Variants in DOCK1 observed in about 807,000 individuals in gnomAD.
DOCK1 encodes the protein dedicator of cytokinesis protein 1.
In DOCK1, 138 loss-of-function variants were observed where a neutral mutation model predicts 262.7. The ratio of observed to expected loss-of-function variants is 0.53; its 90% CI spans 0.46 to 0.61. DOCK1 has a LOEUF of 0.61. Ranked by LOEUF, DOCK1 falls within the 20% of genes least tolerant of loss-of-function variation. DOCK1 has a pLI of 0.00. For synonymous variants in DOCK1, 866 were observed against 867.4 expected, an observed-to-expected ratio of 1.00 and a Z score of 0.03; for missense variants, 1,908 against 2,370.7, an observed-to-expected ratio of 0.80 and a Z score of 4.05.
intron 29 of DOCK1, among the ~76,000 whole-genome samples, chr10:127,286,850 C>T (rs2135329876): frequency 6.6e-6 from 1 of 151,682 alleles, no homozygotes; most frequent in South Asian, 2.1e-4. Context: ...TTTAGGTTGA[C>T]ACCCCTACTT....
intron 35 of DOCK1, among the ~76,000 whole-genome samples, chr10:127,376,164 C>G (rs1180641014): frequency 1.3e-5 from 2 of 152,172 alleles, no homozygotes; most frequent in African/African-American, 2.4e-5. Flanking sequence ...GATGAATATC[C>G]TAAGGGCTCT....
At chr10:127,021,321 A>G (rs530465059) in intron 13 of DOCK1, among the ~76,000 whole-genome samples, 1 of 152,276 alleles carries the variant, frequency 6.6e-6, no homozygotes, top group Non-Finnish European at 1.5e-5. Flanking sequence ...ACGCACTACC[A>G]TGCCTGGCTA....
In DOCK1 at chr10:127,400,562, C is replaced by T. The variant is rs74158677; in HGVS notation, c.3928-2493C>T. ...AGCCCACCGCTTATCTGCTGTGTGT[C>T]CTTGGCAAGCTACTTACCAGTCTGA... On this transcript the variant is annotated intron_variant, in intron 38 of 51. Coordinates refer to ENST00000623213, the MANE Select transcript of DOCK1 (RefSeq NM_001290223.2). 6.4e-3 allele frequency among the ~76,000 whole-genome samples: 972 copies of T among 152,340 alleles called. 10 individuals carry two copies. Among genetic ancestry groups the T allele is most frequent in the African/African-American group, 0.022 (921 of 41,574 alleles).
intron 29 of DOCK1, among the ~76,000 whole-genome samples, chr10:127,279,153 G>T (rs2060853237): frequency 6.6e-6 from 1 of 152,206 alleles, no homozygotes; most frequent in Admixed American, 6.5e-5. Context: ...AGCATTCATG[G>T]TGCCTTAAAA....
intron 27 of DOCK1, chr10:127,145,885 G>A (rs532516077): frequency 8.6e-5 from 37 of 429,806 alleles, no homozygotes; most frequent in Admixed American, 7.8e-4. Flanking sequence ...GGTGTCACCA[G>A]TGACCGGTCT....
intron 1 of DOCK1, among the ~76,000 whole-genome samples, chr10:126,908,051 G>C (rs1380548192): frequency 6.6e-6 from 1 of 152,058 alleles, no homozygotes; most frequent in Non-Finnish European, 1.5e-5. Context: ...GCAGATGACA[G>C]CTTGCTGGGT....
At chr10:126,973,235 T>G (rs1238069728) in intron 2 of DOCK1, among the ~76,000 whole-genome samples, 1 of 35,356 alleles carries the variant, frequency 2.8e-5, no homozygotes, top group African/African-American at 1.6e-4. Context: ...TGGTGGTGGT[T>G]TTTTTTTTTT....
chr10:127,054,558 C>A (rs2135756905), intron 22 of DOCK1, among the ~76,000 whole-genome samples: 1 of 152,196 alleles, frequency 6.6e-6, no homozygotes, highest in Non-Finnish European at 1.5e-5. Flanking sequence ...GCATGGTAAG[C>A]TAGGTTATGT....
At chr10:127,362,907 C>A (rs1344169373) in intron 33 of DOCK1, among the ~76,000 whole-genome samples, 13 of 50,660 alleles carry the variant, frequency 2.6e-4, no homozygotes, top group East Asian at 6.9e-4. Flanking sequence ...ACATGTACAT[C>A]TCCACACACA....
At chr10:127,380,449 T>C (rs1397171112) in intron 36 of DOCK1, among the ~76,000 whole-genome samples, 1 of 152,224 alleles carries the variant, frequency 6.6e-6, no homozygotes, top group Non-Finnish European at 1.5e-5. Flanking sequence ...TGTTTCACAG[T>C]AAGTTATATG....
At position 127,008,697 on chromosome 10, in the gene DOCK1, A is replaced by G. The variant is rs778515009; in HGVS notation, c.986-35A>G. 15 of 1,538,128 alleles carry G rather than the reference A, an allele frequency of 9.8e-6. 1 individual carries two copies. In the South Asian group the frequency reaches 1.8e-4, roughly 18 times the overall value. On this transcript the variant is annotated intron_variant, in intron 10 of 51. Coordinates refer to ENST00000623213, the MANE Select transcript of DOCK1 (RefSeq NM_001290223.2). ...TTGTGTTCTGTGATTATAGCATTTAAGCCAAAACAATCTCTGTTCTCTTTT... is the reference window on the plus strand; with the variant it reads ...TTGTGTTCTGTGATTATAGCATTTAGGCCAAAACAATCTCTGTTCTCTTTT...
At chr10:127,360,603 GA>G (rs1458141940) in intron 32 of DOCK1, among the ~76,000 whole-genome samples, 2 of 152,216 alleles carry the variant, frequency 1.3e-5, no homozygotes, top group Non-Finnish European at 2.9e-5. Context: ...TCTCAACAGT[GA>G]GGGATAAAAC....
chr10:127,362,761 C>G (rs1191404206), intron 33 of DOCK1, among the ~76,000 whole-genome samples: 1 of 151,256 alleles, frequency 6.6e-6, no homozygotes, highest in Non-Finnish European at 1.5e-5. Context: ...CAAGAAGTAA[C>G]AAAATCTCCT....
At chr10:127,028,460 T>C (rs1199772196) in intron 16 of DOCK1, among the ~76,000 whole-genome samples, 1 of 152,216 alleles carries the variant, frequency 6.6e-6, no homozygotes, top group Non-Finnish European at 1.5e-5. Flanking sequence ...GTATTATTAC[T>C]TCCCACATTA....
intron 1 of DOCK1, among the ~76,000 whole-genome samples, chr10:126,950,899 G>A (rs2036157974): frequency 6.6e-6 from 1 of 152,054 alleles, no homozygotes; most frequent in South Asian, 2.1e-4. Flanking sequence ...GGTGATGTTG[G>A]TGATGTTATT....
chr10:127,431,840 A>G (rs1217499247), intron 47 of DOCK1, among the ~76,000 whole-genome samples: 1 of 152,144 alleles, frequency 6.6e-6, no homozygotes, highest in Non-Finnish European at 1.5e-5. Context: ...GGTCCTTTGC[A>G]GCAGAGGTCC....
chr10:127,447,279 A>G, intron 50 of DOCK1, 115 bp from the exon 51 acceptor site: 1 of 1,451,836 alleles, frequency 6.9e-7, no homozygotes, highest in Non-Finnish European at 9.3e-7. Context: ...GTTTTCTGCC[A>G]GATGAAGTGT....
At chr10:127,310,648 A>G (rs11017228) in intron 29 of DOCK1, among the ~76,000 whole-genome samples, 11,871 of 152,260 alleles carry the variant, frequency 0.078, 647 homozygotes, top group East Asian at 0.26. Flanking sequence ...GGAGGTTGCC[A>G]TAAAGAATGA....
intron 27 of DOCK1, among the ~76,000 whole-genome samples, chr10:127,173,318 G>A (rs2054756659): frequency 6.6e-6 from 1 of 152,134 alleles, no homozygotes. Context: ...CCTTGCCCAA[G>A]CCCTCAGTGC....
Sources: gnomAD v4.1 joint callset for allele counts (sites outside exome capture counted in the v4.1 genomes callset) on GRCh38, gnomAD v4.1.1 for gene constraint, MANE v1.5 for transcripts, NCBI Gene and HGNC (gene_info 2026-07-23, HGNC 2026-07-21) for gene names.